DTNB: variants seen among roughly 807,000 people sequenced by gnomAD.
DTNB encodes dystrobrevin beta, also known as DTN-B.
Under a neutral mutation model 90.7 loss-of-function variants are expected in DTNB, and 63 were observed. The observed-to-expected ratio is 0.69, with a 90% CI of 0.57 to 0.86. DTNB has a LOEUF of 0.86. DTNB is among the 40% of genes least tolerant of loss of function. The pLI, the probability that DTNB is intolerant of heterozygous loss-of-function variation, is 0.00. For missense variants in DTNB, 744 were observed against 807.1 expected, an observed-to-expected ratio of 0.92 and a Z score of 0.95; for synonymous variants, 277 against 286.7, an observed-to-expected ratio of 0.97 and a Z score of 0.34.
chr2:25,573,302 A>G (rs1484884548), intron 8 of DTNB, among the ~76,000 whole-genome samples: 1 of 152,200 alleles, frequency 6.6e-6, no homozygotes, highest in Non-Finnish European at 1.5e-5. Context: ...CCTCAGACCA[A>G]TAAATCAGAA....
intron 9 of DTNB, among the ~76,000 whole-genome samples, chr2:25,485,773 A>G (rs968363645): frequency 6.6e-6 from 1 of 152,146 alleles, no homozygotes; most frequent in African/African-American, 2.4e-5. Context: ...CTTAGAAGGC[A>G]TAACATGGCC....
intron 9 of DTNB, among the ~76,000 whole-genome samples, chr2:25,507,398 T>C (rs1040422868): frequency 3.3e-5 from 5 of 152,198 alleles, no homozygotes. Context: ...TCCATTTGGA[T>C]GTCAAAAAGG....
chr2:25,629,188 G>A (rs1412990627), intron 3 of DTNB, among the ~76,000 whole-genome samples: 1 of 152,028 alleles, frequency 6.6e-6, no homozygotes, highest in Non-Finnish European at 1.5e-5. Flanking sequence ...TTAATGTGTT[G>A]AAAAGAAATC....
At chr2:25,659,077 T>TA (rs1440294201) in intron 1 of DTNB, among the ~76,000 whole-genome samples, 9 of 151,816 alleles carry the variant, frequency 5.9e-5, no homozygotes, top group Admixed American at 5.2e-4. Context: ...GAGTGAACCT[T>TA]AATGCATGCA....
intron 12 of DTNB, among the ~76,000 whole-genome samples, chr2:25,450,945 C>G (rs1412590695): frequency 6.6e-6 from 1 of 152,144 alleles, no homozygotes; most frequent in Non-Finnish European, 1.5e-5. Context: ...TCTGGGACTA[C>G]AGGTGCGTGC....
intron 20 of DTNB, among the ~76,000 whole-genome samples, chr2:25,378,996 T>G (rs1428610867): frequency 6.6e-6 from 1 of 152,144 alleles, no homozygotes; most frequent in East Asian, 1.9e-4. Context: ...CAGCACACCC[T>G]GTTTCAGCCA....
chr2:25,662,397 A>G (rs1438557132), intron 1 of DTNB, among the ~76,000 whole-genome samples: 2 of 152,220 alleles, frequency 1.3e-5, no homozygotes, highest in African/African-American at 4.8e-5. Context: ...ATTTCACAAT[A>G]TTAAGTGAAA....
chr2:25,635,053 T>TAAAAAAAA (rs1213288403), intron 3 of DTNB, among the ~76,000 whole-genome samples: 1 of 77,474 alleles, frequency 1.3e-5, no homozygotes, highest in African/African-American at 5.4e-5. Context: ...GAATGATCAA[T>TAAAAAAAA]AAAAAAAAAT....
intron 10 of DTNB, among the ~76,000 whole-genome samples, chr2:25,462,677 T>C (rs575461416): frequency 1.3e-5 from 2 of 152,216 alleles, no homozygotes; most frequent in Admixed American, 1.3e-4. Context: ...GATACTCTTA[T>C]ATATCTTCTC....
chr2:25,572,553 C>T (rs1405741176), intron 8 of DTNB, among the ~76,000 whole-genome samples: 9 of 151,930 alleles, frequency 5.9e-5, no homozygotes, highest in Non-Finnish European at 8.8e-5. Context: ...CTTCCTTATC[C>T]GATATCCTTC....
At chr2:25,641,805 A>G (rs1327505356) in intron 2 of DTNB, among the ~76,000 whole-genome samples, 1 of 152,190 alleles carries the variant, frequency 6.6e-6, no homozygotes, top group African/African-American at 2.4e-5. Context: ...CAAATGTAGA[A>G]GCCAGATCAA....
At position 25,432,322 on chromosome 2, in the gene DTNB, A is replaced by G. The variant is rs1214759016; in HGVS notation, c.1457+564T>C. 3.9e-5 allele frequency among the ~76,000 whole-genome samples: 6 copies of G among 152,160 alleles called. No homozygotes were observed. In the East Asian group the frequency reaches 1.2e-3, roughly 29 times the overall value. ...CTGTGAAGACTTCCCCATTCCCTCC[A>G]AAACACCATCAAACATGGTGGTGAC... On this transcript the variant is annotated intron_variant, in intron 14 of 20. Coordinates refer to ENST00000406818, the MANE Select transcript of DTNB (RefSeq NM_021907.5).
At chr2:25,657,675 C>A (rs1391772849) in intron 1 of DTNB, among the ~76,000 whole-genome samples, 1 of 152,108 alleles carries the variant, frequency 6.6e-6, no homozygotes, top group Non-Finnish European at 1.5e-5. Context: ...GAACTGTGAT[C>A]ACACTACTGC....
intron 10 of DTNB, among the ~76,000 whole-genome samples, chr2:25,471,387 CTTTT>C (rs34374443): frequency 7.0e-6 from 1 of 141,868 alleles, no homozygotes; most frequent in Non-Finnish European, 1.5e-5. Context: ...CATGAAAAAT[CTTTT>C]TTTTTTTTTT....
intron 9 of DTNB, among the ~76,000 whole-genome samples, chr2:25,508,910 G>T (rs953453034): frequency 6.6e-6 from 1 of 152,034 alleles, no homozygotes; most frequent in African/African-American, 2.4e-5. Flanking sequence ...GTATTCCTAC[G>T]TTATGTTTCT....
intron 9 of DTNB, among the ~76,000 whole-genome samples, chr2:25,507,470 T>A (rs1259379104): frequency 6.6e-6 from 1 of 152,194 alleles, no homozygotes; most frequent in Non-Finnish European, 1.5e-5. Flanking sequence ...ATAGTAATCC[T>A]CATCACCATC....
At chr2:25,478,024 A>G (rs1443061892) in intron 10 of DTNB, among the ~76,000 whole-genome samples, 5 of 151,962 alleles carry the variant, frequency 3.3e-5, no homozygotes, top group Non-Finnish European at 5.9e-5. Flanking sequence ...CTTTAAAAAA[A>G]AAAAAAAAAA....
At chr2:25,594,078 G>T (rs1345730309) in intron 6 of DTNB, among the ~76,000 whole-genome samples, 1 of 152,172 alleles carries the variant, frequency 6.6e-6, no homozygotes, top group East Asian at 1.9e-4. Flanking sequence ...ACGGGCTCCA[G>T]ATAAAAAATG....
At chr2:25,649,420 T>C (rs1207911125) in intron 2 of DTNB, among the ~76,000 whole-genome samples, 1 of 152,196 alleles carries the variant, frequency 6.6e-6, no homozygotes. Context: ...TCTTTAAAAA[T>C]GGTATAGTTA....
Sources: allele counts gnomAD v4.1 joint callset (sites outside exome capture counted in the v4.1 genomes callset), GRCh38; gene constraint gnomAD v4.1.1; transcripts MANE v1.5; gene names NCBI Gene and HGNC (gene_info 2026-07-23, HGNC 2026-07-21).